The following ANKLE2 variants were observed in gnomAD, a reference collection of about 807,000 sequenced individuals.
ANKLE2 encodes ankyrin repeat and LEM domain-containing protein 2.
Under a neutral mutation model 84.2 loss-of-function variants are expected in ANKLE2, and 55 were observed. That is an observed-to-expected ratio of 0.65 (90% CI 0.53 to 0.82). The LOEUF (loss-of-function observed/expected upper bound fraction) is 0.82, where lower values mean the gene tolerates loss of function less well. ANKLE2 is among the 40% of genes least tolerant of loss of function. The probability of loss-of-function intolerance (pLI) is 0.00; values close to 1 mark genes in which losing one functional copy is unlikely to be tolerated. For missense variants in ANKLE2, 1,238 were observed against 1,201.9 expected, an observed-to-expected ratio of 1.03 and a Z score of -0.44; for synonymous variants, 551 against 486.1, an observed-to-expected ratio of 1.13 and a Z score of -1.76.
rs1050254670 is a variant in ANKLE2 at position 132,727,912 on chromosome 12, G to A, written c.2615+120C>T. 5 of 1,371,076 alleles carry A rather than the reference G, an allele frequency of 3.6e-6. No homozygotes were observed. In the African/African-American group the frequency reaches 7.3e-5, roughly 20 times the overall value. 84.9% of individuals were successfully genotyped at this position (1,371,076 alleles called of 1,614,324 possible). A position where few individuals can be genotyped will look rare whatever the true frequency, so the allele number is the denominator to read the frequency against. ...CCACAACACCCAAATCCACAGCCTG[G>A]CTGACGGGCCTGCCAGCGTTGGGAA... is the stretch of plus-strand genomic sequence containing the variant. On this transcript the variant is annotated intron_variant, in intron 12 of 12. Transcript: ENST00000357997.
At position 132,743,151 on chromosome 12, in the gene ANKLE2, T is replaced by C. The variant is rs373389792; in HGVS notation, c.1353+3A>G. ...TAGCAACTGCATTGTAATAAGTACT[T>C]ACATCTTCAGGTGTTTTATCATATT... is the stretch of plus-strand genomic sequence containing the variant. On this transcript the variant is annotated splice_donor_region_variant and intron_variant, in intron 6 of 12. Coordinates refer to ENST00000357997, the MANE Select transcript of ANKLE2 (RefSeq NM_015114.3). The surrounding 1 kb of genome is among the most constrained non-coding windows in gnomAD (Gnocchi z 4.1). The C allele has an allele frequency of 6.7e-5, 107 of 1,602,372 alleles. No individual in the cohort carries two copies. Among genetic ancestry groups the C allele is most frequent in the Non-Finnish European group, 8.4e-5 (98 of 1,173,034 alleles).
intron 10 of ANKLE2, chr12:132,730,602 C>T (rs148046655): frequency 6.0e-5 from 19 of 317,408 alleles, no homozygotes; most frequent in Admixed American, 5.2e-4. Flanking sequence ...GCAGGGGGGT[C>T]GCTGGACCCC....
intron 9 of ANKLE2, 64 bp downstream of exon 9, chr12:132,735,340 TTC>T: frequency 7.1e-7 from 1 of 1,415,562 alleles, no homozygotes; most frequent in Non-Finnish European, 1.0e-6. Flanking sequence ...TGATTTGACC[TTC>T]TGTCATTAAT....
At position 132,748,133 on chromosome 12, in the gene ANKLE2, C is replaced by T; in HGVS notation, c.1041+5G>A. 6.2e-7 allele frequency: 1 copy of T among 1,612,028 alleles called. No individual in the cohort carries two copies. On this transcript the variant is annotated splice_donor_5th_base_variant and intron_variant, in intron 4 of 12. Coordinates refer to ENST00000357997, the MANE Select transcript of ANKLE2 (RefSeq NM_015114.3). ...CACCTGCCCGAGGGAACCGCCGAGA[C>T]CTACCTGCACGATAGTGGGGTTGTC...
At chr12:132,740,881 G>A (rs1249718171) in intron 7 of ANKLE2, among the ~76,000 whole-genome samples, 10 of 152,130 alleles carry the variant, frequency 6.6e-5, no homozygotes, top group South Asian at 2.1e-4. Flanking sequence ...GGAGTGTCCC[G>A]GAGCCAAGAC....
intron 10 of ANKLE2, 177 bp downstream of exon 10, chr12:132,734,208 G>A: frequency 1.4e-6 from 1 of 692,134 alleles, no homozygotes; most frequent in Non-Finnish European, 2.4e-6. Context: ...TTGCGCCACT[G>A]CACTCCAGCT....
chr12:132,735,363 C>A, intron 9 of ANKLE2, 43 bp downstream of exon 9: 1 of 1,562,342 alleles, frequency 6.4e-7, no homozygotes, highest in Non-Finnish European at 8.8e-7. Flanking sequence ...CAAAATGCAA[C>A]CAACTGTGTG....
intron 6 of ANKLE2, chr12:132,741,972 A>G: frequency 2.6e-6 from 1 of 383,676 alleles, no homozygotes; most frequent in Non-Finnish European, 5.1e-6. Context: ...TTGCAGCAAT[A>G]CGAACTTTTG....
At chr12:132,760,413 GTC>G (rs1231635257) in intron 1 of ANKLE2, 1 of 152,142 alleles carries the variant, frequency 6.6e-6, no homozygotes, top group Non-Finnish European at 1.5e-5. Context: ...TTCTGACAGC[GTC>G]TTCCTGGAGA....
chr12:132,753,446 C>T (rs1042834214), intron 2 of ANKLE2, among the ~76,000 whole-genome samples: 1 of 151,886 alleles, frequency 6.6e-6, no homozygotes, highest in East Asian at 1.9e-4. Flanking sequence ...GCGTGGGCAA[C>T]GTGGCGAAAC....
rs1265323802 is a variant in ANKLE2 at position 132,743,647 on chromosome 12, C to T, written c.1231-371G>A. Among the ~76,000 whole-genome samples the T allele has an allele frequency of 5.0e-5, 6 of 121,204 alleles. No homozygotes were observed. The highest frequency in any genetic ancestry group is 7.3e-5 in the Non-Finnish European group (4 of 54,904). 79.5% of individuals were successfully genotyped at this position (121,204 alleles called of 152,430 possible). ...TACAGGTGTGAGTCACCGAGCCTGGCTTATACTTTTTTAAAAAAAAAAAGA... is the reference window on the plus strand; with the variant it reads ...TACAGGTGTGAGTCACCGAGCCTGGTTTATACTTTTTTAAAAAAAAAAAGA... On this transcript the variant is annotated intron_variant, in intron 5 of 12. Transcript: ENST00000357997. This position sits in a 1 kb window ranked among gnomAD's most constrained non-coding sequence, Gnocchi z 4.1.
chr12:132,728,248 G>A (rs1399749687), intron 11 of ANKLE2, 85 bp from the exon 12 acceptor site: 4 of 1,529,558 alleles, frequency 2.6e-6, no homozygotes, highest in African/African-American at 1.4e-5. Flanking sequence ...TTTTTATTTT[G>A]AGACGGAGTC....
rs200666063 is a variant in ANKLE2, at chr12:132,743,348, T to TACTC, written c.1231-73_1231-72insGAGT. 99,455 of 1,468,254 alleles carry TACTC rather than the reference T, an allele frequency of 0.068. 3,789 individuals carry two copies. The highest frequency in any genetic ancestry group is 0.11 in the East Asian group (4,572 of 40,348). The allele number at this position is 1,468,254 out of a possible 1,614,324, so 91.0% of individuals were successfully genotyped here. On this transcript the variant is annotated intron_variant, in intron 5 of 12. Coordinates refer to ENST00000357997, the MANE Select transcript of ANKLE2 (RefSeq NM_015114.3). The surrounding 1 kb of genome is among the most constrained non-coding windows in gnomAD (Gnocchi z 4.1). ...GAGGTTGCTCTAAGGTGAAAATACA[T>TACTC]ATTCATTCATTCATTCATTCATTTA... is the stretch of plus-strand genomic sequence containing the variant.
chr12:132,746,348 C>CAAAAAAAAAAAAAAAAAAAA (rs566130639), intron 5 of ANKLE2, among the ~76,000 whole-genome samples: 46 of 66,512 alleles, frequency 6.9e-4, no homozygotes, highest in Non-Finnish European at 1.1e-3. Flanking sequence ...GACTCTGTCT[C>CAAAAAAAAAAAAAAAAAAAA]AAAAAAAAAA....
chr12:132,728,099 G>T lies in ANKLE2; in HGVS notation c.2548C>A (p.His850Asn). 1.9e-6 allele frequency: 3 copies of T among 1,613,002 alleles called. No individual in the cohort carries two copies. The East Asian group carries it at 6.7e-5, about 36-fold the overall frequency. ...AALECADVDP[H>N]QFPAVHRWKS... is the part of the protein sequence containing the mutation. ...CATCTGTGCACGGCCGGGAACTGAT[G>T]GGGGTCGACGTCTGCACATTCAAGA... The change falls in exon 12 of 13, where the codon CAT becomes AAT. Residue 850 changes from histidine (H) to asparagine (N), a missense_variant. This residue lies in a region of ANKLE2 where 802 missense variants were observed against 774.5 expected (regional missense o/e 1.04). Transcript: ENST00000357997.
Position 132,743,107 on chromosome 12 carries a change from T to G in ANKLE2, c.1353+47A>C, listed in dbSNP as rs776895582. ...GATCACAGACTGTAAATTTATATAT[T>G]TCCATTTCTAACTCTAGATAGCAAC... On this transcript the variant is annotated intron_variant, in intron 6 of 12. Transcript: ENST00000357997. This position sits in a 1 kb window ranked among gnomAD's most constrained non-coding sequence, Gnocchi z 4.1. 35 of 1,523,064 alleles carry G rather than the reference T, an allele frequency of 2.3e-5. No individual in the cohort carries two copies. The East Asian group carries it at 8.4e-4, about 36-fold the overall frequency. 94.3% of individuals were successfully genotyped at this position (1,523,064 alleles called of 1,614,324 possible).
At chr12:132,752,068 C>T (rs1441763692) in intron 2 of ANKLE2, among the ~76,000 whole-genome samples, 3 of 152,012 alleles carry the variant, frequency 2.0e-5, no homozygotes, top group East Asian at 1.9e-4. Flanking sequence ...AGTTCGGGCA[C>T]GGTGGCTCAC....
At chr12:132,759,569 A>G (rs1414756896) in intron 1 of ANKLE2, 3 of 152,208 alleles carry the variant, frequency 2.0e-5, no homozygotes, top group Non-Finnish European at 4.4e-5. Flanking sequence ...GCCATGATAT[A>G]CGTATATTAT....
chr12:132,727,941 C>T, intron 12 of ANKLE2, 91 bp downstream of exon 12: 3 of 1,504,896 alleles, frequency 2.0e-6, no homozygotes, highest in East Asian at 2.3e-5. Context: ...TTGGGAAAAG[C>T]CACTGATAGG....
Sources: gnomAD v4.1 joint callset for allele counts (sites outside exome capture counted in the v4.1 genomes callset) on GRCh38, gnomAD v4.1.1 for gene constraint, gnomAD v4.1.1 regional missense constraint, Gnocchi (gnomAD v3.1) non-coding constraint, MANE v1.5 for transcripts, NCBI Gene and HGNC (gene_info 2026-07-23, HGNC 2026-07-21) for gene names.